Variants in EPB41L4B observed in about 807,000 individuals in gnomAD.
The protein encoded by EPB41L4B is erythrocyte membrane protein band 4.1 like 4B.
EPB41L4B carries 30 observed loss-of-function variants against 112.5 expected under a neutral mutation model. The observed-to-expected ratio is 0.27, with a 90% CI of 0.20 to 0.36. The LOEUF is 0.36. Among genes scored for constraint, EPB41L4B ranks in the 10% least tolerant of loss-of-function variants. EPB41L4B has a pLI of 1.00. For synonymous variants in EPB41L4B, 408 were observed against 439.7 expected, an observed-to-expected ratio of 0.93 and a Z score of 0.90; for missense variants, 1,024 against 1,133.3, an observed-to-expected ratio of 0.90 and a Z score of 1.38.
chr9:109,199,635 C>G (rs1832755273), intron 20 of EPB41L4B, among the ~76,000 whole-genome samples: 1 of 152,190 alleles, frequency 6.6e-6, no homozygotes, highest in South Asian at 2.1e-4. Context: ...CCACTGCACT[C>G]CAGCCTGAGC....
At chr9:109,310,886 T>C (rs1486422927) in intron 1 of EPB41L4B, among the ~76,000 whole-genome samples, 1 of 152,222 alleles carries the variant, frequency 6.6e-6, no homozygotes, top group Non-Finnish European at 1.5e-5. Flanking sequence ...ACCTGCTACA[T>C]ACAACATGGA....
At chr9:109,255,090 G>C (rs184244288) in intron 11 of EPB41L4B, among the ~76,000 whole-genome samples, 10 of 152,298 alleles carry the variant, frequency 6.6e-5, no homozygotes, top group Admixed American at 4.6e-4. Context: ...GCACAGTGCT[G>C]GCCAACAGAA....
chr9:109,191,023 C>G (rs777233928), intron 22 of EPB41L4B, among the ~76,000 whole-genome samples: 1 of 152,142 alleles, frequency 6.6e-6, no homozygotes, highest in Non-Finnish European at 1.5e-5. Context: ...TGTCCATCAC[C>G]CTACCAACAG....
At chr9:109,220,671 C>G (rs1347767984) in intron 15 of EPB41L4B, among the ~76,000 whole-genome samples, 1 of 152,126 alleles carries the variant, frequency 6.6e-6, no homozygotes, top group Non-Finnish European at 1.5e-5. Flanking sequence ...CCTACATTGC[C>G]CCATGAGCTG....
At chr9:109,308,361 G>A (rs1387193482) in intron 1 of EPB41L4B, among the ~76,000 whole-genome samples, 2 of 152,046 alleles carry the variant, frequency 1.3e-5, no homozygotes, top group African/African-American at 4.8e-5. Flanking sequence ...TGTACCTCAG[G>A]GGTGACCAAT....
intron 15 of EPB41L4B, among the ~76,000 whole-genome samples, chr9:109,220,357 G>A (rs1833529468): frequency 6.6e-6 from 1 of 152,200 alleles, no homozygotes; most frequent in African/African-American, 2.4e-5. Context: ...GAAGGGCTTA[G>A]AGTGCCTGGT....
intron 6 of EPB41L4B, among the ~76,000 whole-genome samples, chr9:109,262,327 C>T (rs2119055793): frequency 6.6e-6 from 1 of 152,304 alleles, no homozygotes; most frequent in African/African-American, 2.4e-5. Flanking sequence ...GAGTCCACCT[C>T]TTCTAACCTC....
At chr9:109,208,587 A>C (rs1052445212) in intron 17 of EPB41L4B, among the ~76,000 whole-genome samples, 1 of 152,204 alleles carries the variant, frequency 6.6e-6, no homozygotes, top group African/African-American at 2.4e-5. Flanking sequence ...TTTTTGCCAT[A>C]TCTCATGTAT....
chr9:109,232,952 T>G (rs995289769), intron 15 of EPB41L4B, among the ~76,000 whole-genome samples: 3 of 152,178 alleles, frequency 2.0e-5, no homozygotes, highest in African/African-American at 7.2e-5. Context: ...GCTTAATGGT[T>G]TAATTGCCTT....
chr9:109,224,035 AAAAAT>A (rs566032241), intron 15 of EPB41L4B, among the ~76,000 whole-genome samples: 30 of 151,556 alleles, frequency 2.0e-4, no homozygotes, highest in African/African-American at 3.4e-4. Context: ...AAAATAAAAT[AAAAAT>A]AAAATAAAAT....
rs533475299 is a variant in EPB41L4B, at chr9:109,204,933, A to T, written c.1879-1203T>A. The stretch of plus-strand genomic sequence containing the variant: ...CCCCTAGCAGTATACTTGGCTGTGC[A>T]TCAACCTCCTCTCCCTCCATCACAA... On this transcript the variant is annotated intron_variant, in intron 18 of 25. Transcript: ENST00000374566. 4.4e-4 allele frequency among the ~76,000 whole-genome samples: 67 copies of T among 152,300 alleles called. 1 individual carries two copies. In the South Asian group the frequency reaches 9.3e-3, roughly 21 times the overall value.
Position 109,209,205 on chromosome 9 carries a change from A to G in EPB41L4B, c.1753-1156T>C, listed in dbSNP as rs569895299. ...AGTATAGAGCAACTGGCCAGCTAAT[A>G]TCGTTTAATAAAGAAATGAGGTAGA... On this transcript the variant is annotated intron_variant, in intron 17 of 25. Coordinates refer to ENST00000374566, the MANE Select transcript of EPB41L4B (RefSeq NM_019114.5). 3.3e-5 allele frequency among the ~76,000 whole-genome samples: 5 copies of G among 152,254 alleles called. No individual in the cohort carries two copies. In the East Asian group the frequency reaches 9.6e-4, roughly 29 times the overall value.
chr9:109,263,115 A>G lies in EPB41L4B; in HGVS notation c.579-13T>C. On this transcript the variant is annotated splice_polypyrimidine_tract_variant and intron_variant, in intron 5 of 25. Coordinates refer to ENST00000374566, the MANE Select transcript of EPB41L4B (RefSeq NM_019114.5). ...AGGGCATTTCAATCTTGAAAAAAAT[A>G]AAATGAAATTAATTCGAAATAGGAA... is the stretch of plus-strand genomic sequence containing the variant. The G allele has an allele frequency of 6.4e-7, 1 of 1,563,112 alleles. No individual in the cohort carries two copies. Among genetic ancestry groups the G allele is most frequent in the South Asian group, 1.2e-5 (1 of 86,854 alleles).
intron 2 of EPB41L4B, among the ~76,000 whole-genome samples, chr9:109,274,188 T>C (rs2119110779): frequency 6.6e-6 from 1 of 152,182 alleles, no homozygotes; most frequent in African/African-American, 2.4e-5. Flanking sequence ...AAATGTACCA[T>C]CAGAAAAAGC....
chr9:109,258,137 A>C (rs1193897222), intron 7 of EPB41L4B, 40 bp downstream of exon 7: 1 of 1,589,764 alleles, frequency 6.3e-7, no homozygotes, highest in South Asian at 1.1e-5. Flanking sequence ...TTTATGACAA[A>C]ATAGATACAT....
chr9:109,234,638 G>C (rs1365903231), intron 15 of EPB41L4B, among the ~76,000 whole-genome samples: 1 of 152,210 alleles, frequency 6.6e-6, no homozygotes, highest in Non-Finnish European at 1.5e-5. Context: ...GCCAAGGCAA[G>C]AGGATCGCTT....
At chr9:109,201,372 C>T (rs993985552) in intron 19 of EPB41L4B, among the ~76,000 whole-genome samples, 1 of 150,004 alleles carries the variant, frequency 6.7e-6, no homozygotes, top group African/African-American at 2.5e-5. Flanking sequence ...ATCACCTGAG[C>T]CCAGGAGGTC....
At chr9:109,176,779 T>G in intron 24 of EPB41L4B, 83 bp from the exon 25 acceptor site, 5 of 1,485,608 alleles carry the variant, frequency 3.4e-6, no homozygotes, top group Non-Finnish European at 4.6e-6. Context: ...AGCCTTACTC[T>G]ACAGTTCCTG....
chr9:109,186,194 T>A (rs74828676), intron 22 of EPB41L4B, among the ~76,000 whole-genome samples: 29 of 152,066 alleles, frequency 1.9e-4, no homozygotes, highest in African/African-American at 7.0e-4. Flanking sequence ...TATCGTTTCA[T>A]TTCCCTTTTT....
Sources: gnomAD v4.1 joint callset for allele counts (sites outside exome capture counted in the v4.1 genomes callset) on GRCh38, gnomAD v4.1.1 for gene constraint, MANE v1.5 for transcripts, NCBI Gene and HGNC (gene_info 2026-07-23, HGNC 2026-07-21) for gene names.